TMEM132C: variants seen among roughly 807,000 people sequenced by gnomAD.
TMEM132C encodes the protein protein phosphatase 1, regulatory subunit 152.
In TMEM132C, 29 loss-of-function variants were observed where a neutral mutation model predicts 61.4. The observed-to-expected ratio is 0.47, with a 90% CI of 0.35 to 0.64. The LOEUF is 0.64. Ranked by LOEUF, TMEM132C falls within the 30% of genes least tolerant of loss-of-function variation. The pLI is 0.00. For missense variants in TMEM132C, 1,408 were observed against 1,476.9 expected (o/e 0.95, Z 0.76); for synonymous variants, 656 against 633.1 (o/e 1.04, Z -0.54).
chr12:128,332,353 C>A (rs1057406597), intron 1 of TMEM132C, among the ~76,000 whole-genome samples: 5 of 152,184 alleles, frequency 3.3e-5, no homozygotes, highest in Non-Finnish European at 5.9e-5. Context: ...CAGCCAGCCC[C>A]AGAACTATCG....
rs1025564942 is a variant in TMEM132C at position 128,509,350 on chromosome 12, G to A, written c.975-34607G>A. ...AGAAAAAGGGAAAAGAGTATGCAAT[G>A]AGGCAGGGGTCACATTCTTTGGAGG... On this transcript the variant is annotated intron_variant, in intron 2 of 8. Coordinates refer to ENST00000435159, the MANE Select transcript of TMEM132C (RefSeq NM_001136103.3). Among the ~76,000 whole-genome samples, 5 of 152,286 alleles carry A rather than the reference G, an allele frequency of 3.3e-5. No individual in the cohort carries two copies. In the South Asian group the frequency reaches 1.0e-3, roughly 32 times the overall value.
intron 2 of TMEM132C, among the ~76,000 whole-genome samples, chr12:128,444,288 G>A (rs929121955): frequency 2.0e-5 from 3 of 152,238 alleles, no homozygotes; most frequent in Middle Eastern, 3.4e-3. Flanking sequence ...TGTCATCTTT[G>A]CACCGTGGAT....
chr12:128,626,451 A>ATTTTTTTTTTTTTT (rs368258323), intron 4 of TMEM132C, among the ~76,000 whole-genome samples: 1 of 133,706 alleles, frequency 7.5e-6, no homozygotes, highest in African/African-American at 3.0e-5. Flanking sequence ...TTTTATTTTT[A>ATTTTTTTTTTTTTT]TTTTTATTTT....
intron 2 of TMEM132C, among the ~76,000 whole-genome samples, chr12:128,482,135 G>A (rs1485585244): frequency 6.6e-6 from 1 of 152,136 alleles, no homozygotes; most frequent in Non-Finnish European, 1.5e-5. Flanking sequence ...GGCCTTTTCT[G>A]CATCTTTTGA....
intron 4 of TMEM132C, among the ~76,000 whole-genome samples, chr12:128,654,753 G>C (rs1369547445): frequency 1.3e-5 from 2 of 152,172 alleles, no homozygotes; most frequent in African/African-American, 4.8e-5. Flanking sequence ...ATCTTAATTG[G>C]TACACTGTTG....
intron 2 of TMEM132C, among the ~76,000 whole-genome samples, chr12:128,447,188 C>A (rs1870009814): frequency 1.3e-5 from 2 of 152,134 alleles, no homozygotes; most frequent in African/African-American, 4.8e-5. Context: ...CCCTCCTGCG[C>A]CTGTGTCCAC....
chr12:128,366,288 G>A (rs1873868230), intron 1 of TMEM132C, among the ~76,000 whole-genome samples: 1 of 152,166 alleles, frequency 6.6e-6, no homozygotes, highest in African/African-American at 2.4e-5. Context: ...TAGCCTTTGA[G>A]GGAACTGTTC....
intron 1 of TMEM132C, among the ~76,000 whole-genome samples, chr12:128,275,796 C>T (rs1269964148): frequency 1.3e-5 from 2 of 152,164 alleles, no homozygotes; most frequent in Non-Finnish European, 2.9e-5. Context: ...TTGTAACAAA[C>T]ATGGAAGCTT....
chr12:128,510,039 A>T (rs1872519452), intron 2 of TMEM132C, among the ~76,000 whole-genome samples: 1 of 152,106 alleles, frequency 6.6e-6, no homozygotes, highest in African/African-American at 2.4e-5. Context: ...AAGGTTAGAA[A>T]TTGTTCTTAG....
chr12:128,486,475 A>G (rs1003350162), intron 2 of TMEM132C, among the ~76,000 whole-genome samples: 4 of 152,160 alleles, frequency 2.6e-5, no homozygotes, highest in African/African-American at 9.7e-5. Context: ...GCAAAGGACC[A>G]TCCCACCCAG....
At chr12:128,357,706 A>AG (rs1379191873) in intron 1 of TMEM132C, among the ~76,000 whole-genome samples, 2 of 151,532 alleles carry the variant, frequency 1.3e-5, no homozygotes, top group Admixed American at 6.6e-5. Flanking sequence ...AAAAAAAAAA[A>AG]AAAAGAAAAA....
chr12:128,559,156 T>C (rs1431201992), intron 3 of TMEM132C, among the ~76,000 whole-genome samples: 2 of 147,720 alleles, frequency 1.4e-5, no homozygotes, highest in African/African-American at 2.5e-5. Context: ...CACAAACACA[T>C]ACACACACAA....
chr12:128,440,294 AG>A, intron 2 of TMEM132C, among the ~76,000 whole-genome samples: 1 of 152,238 alleles, frequency 6.6e-6, no homozygotes, highest in Non-Finnish European at 1.5e-5. Context: ...GTGCTCTTTT[AG>A]TTGTAGTTCT....
chr12:128,607,107 A>T (rs957982016), intron 3 of TMEM132C, among the ~76,000 whole-genome samples: 1 of 152,168 alleles, frequency 6.6e-6, no homozygotes, highest in Non-Finnish European at 1.5e-5. Flanking sequence ...GGGAGGGTTC[A>T]TGTGAGCTGA....
chr12:128,352,520 G>A (rs1362040387), intron 1 of TMEM132C, among the ~76,000 whole-genome samples: 1 of 152,174 alleles, frequency 6.6e-6, no homozygotes, highest in Non-Finnish European at 1.5e-5. Flanking sequence ...TGATTCAAAA[G>A]TTAATCTCAT....
At chr12:128,375,423 G>A (rs1874163227) in intron 1 of TMEM132C, among the ~76,000 whole-genome samples, 1 of 152,126 alleles carries the variant, frequency 6.6e-6, no homozygotes. Context: ...CCCGGCTTCT[G>A]GTGGCTCCAG....
At chr12:128,267,701 C>A (rs117623481) in intron 1 of TMEM132C, among the ~76,000 whole-genome samples, 1 of 152,130 alleles carries the variant, frequency 6.6e-6, no homozygotes, top group East Asian at 1.9e-4. Flanking sequence ...AGGCTGGTCC[C>A]GAGTCCCGAA....
chr12:128,318,869 G>C (rs901931583), intron 1 of TMEM132C, among the ~76,000 whole-genome samples: 1 of 152,204 alleles, frequency 6.6e-6, no homozygotes, highest in African/African-American at 2.4e-5. Flanking sequence ...GTTGCTCCAA[G>C]AAAAGAGTAC....
chr12:128,659,946 G>A (rs891883779), intron 4 of TMEM132C, among the ~76,000 whole-genome samples: 1 of 152,130 alleles, frequency 6.6e-6, no homozygotes. Flanking sequence ...TCTCACTTGG[G>A]GTTCATATCT....
Sources: gnomAD v4.1 joint callset for allele counts (sites outside exome capture counted in the v4.1 genomes callset) on GRCh38, gnomAD v4.1.1 for gene constraint, MANE v1.5 for transcripts, NCBI Gene and HGNC (gene_info 2026-07-23, HGNC 2026-07-21) for gene names.